The following RAPGEF2 variants were observed in gnomAD, a reference collection of about 807,000 sequenced individuals.
RAPGEF2 encodes PDZ domain containing guanine nucleotide exchange factor (GEF) 1.
Under a neutral mutation model 186.7 loss-of-function variants are expected in RAPGEF2, and 54 were observed. The ratio of observed to expected loss-of-function variants is 0.29; its 90% confidence interval spans 0.23 to 0.36. The LOEUF is 0.36. RAPGEF2 is among the 10% of genes least tolerant of loss of function. The pLI, the probability that RAPGEF2 is intolerant of heterozygous loss-of-function variation, is 1.00. For missense variants in RAPGEF2, 1,532 were observed against 2,045.0 expected (o/e 0.75, Z 4.84); for synonymous variants, 712 against 705.9 (o/e 1.01, Z -0.14).
At chr4:159,166,951 G>GACCAA (rs1488728822) in intron 1 of RAPGEF2, among the ~76,000 whole-genome samples, 6 of 152,134 alleles carry the variant, frequency 3.9e-5, no homozygotes, top group African/African-American at 1.2e-4. Context: ...GAAATTTGGT[G>GACCAA]ATCAAGGGAC....
At position 159,339,359 on chromosome 4, in the gene RAPGEF2, A is replaced by G. The variant is rs1003154635; in HGVS notation, c.2534+5A>G. The G allele has an allele frequency of 1.9e-6, 3 of 1,611,038 alleles. No individual in the cohort carries two copies. Among genetic ancestry groups the G allele is most frequent in the East Asian group, 2.2e-5 (1 of 44,776 alleles). The stretch of plus-strand genomic sequence containing the variant: ...CAGAATACAACTGAGTGGAAGGTAT[A>G]TATTATCTACCTTACTGGATTTCTT... On this transcript the variant is annotated splice_donor_5th_base_variant and intron_variant, in intron 19 of 29. Coordinates refer to ENST00000691494, the MANE Select transcript of RAPGEF2 (RefSeq NM_001394067.2).
At position 159,304,378 on chromosome 4, in the gene RAPGEF2, A is replaced by G. The variant is rs1198603978; in HGVS notation, c.580A>G (p.Ser194Gly). ...ADFTKLHLTD[S>G]LHPQVTHVSS... The stretch of plus-strand genomic sequence containing the variant: ...TTTCACAAAACTGCATCTTACTGAC[A>G]GTCTCCACCCACAGGTGACCCACGT... The change falls in exon 8 of 30, where the codon AGT becomes GGT. Residue 194 changes from serine to glycine, a missense_variant. Ser to Gly is a moderately conservative substitution (Grantham distance 56, BLOSUM62 0). Coordinates refer to ENST00000691494, the MANE Select transcript of RAPGEF2 (RefSeq NM_001394067.2). The G allele has an allele frequency of 1.2e-6, 2 of 1,605,086 alleles. No individual in the cohort carries two copies. The highest frequency in any genetic ancestry group is 1.3e-5 in the African/African-American group (1 of 74,788).
chr4:159,281,311 A>G (rs1579745412), intron 7 of RAPGEF2, among the ~76,000 whole-genome samples: 1 of 152,090 alleles, frequency 6.6e-6, no homozygotes, highest in Non-Finnish European at 1.5e-5. Flanking sequence ...TCTTAAAGTT[A>G]TTGATTTCTC....
chr4:159,330,380 T>C lies in RAPGEF2; in HGVS notation c.1349T>C (p.Val450Ala). The change falls in exon 13 of 30, where the codon GTA becomes GCA. Residue 450 changes from valine (V) to alanine (A), a missense_variant. Physicochemically the swap from Val to Ala is moderately conservative, Grantham distance 64 (BLOSUM62 0). This residue lies in a region of RAPGEF2 where 810 missense variants were observed against 1,210.5 expected (regional missense o/e 0.67). Coordinates refer to ENST00000691494, the MANE Select transcript of RAPGEF2 (RefSeq NM_001394067.2). ...ATGCATTTGGTGGAAGAGCATTCAG[T>C]AGTAGATCCAACATTCATAGAAGAC... Reference protein sequence around the residue: ...LTMHLVEEHSVVDPTFIEDFL... With the variant: ...LTMHLVEEHSAVDPTFIEDFL... 1 of 1,602,222 alleles carries C rather than the reference T, an allele frequency of 6.2e-7. No individual in the cohort carries two copies. The highest frequency in any genetic ancestry group is 8.5e-7 in the Non-Finnish European group (1 of 1,177,284).
chr4:159,247,755 C>CTTTTTTTTTTT (rs56053207), intron 7 of RAPGEF2, among the ~76,000 whole-genome samples: 1 of 83,474 alleles, frequency 1.2e-5, no homozygotes, highest in Non-Finnish European at 2.2e-5. Context: ...TAATTTGTTT[C>CTTTTTTTTTTT]TTTTTTTTTT....
At chr4:159,173,847 T>C (rs972981391) in intron 1 of RAPGEF2, among the ~76,000 whole-genome samples, 36 of 152,206 alleles carry the variant, frequency 2.4e-4, no homozygotes, top group South Asian at 6.2e-4. Flanking sequence ...ATATAGTATG[T>C]TAATCTACAC....
chr4:159,145,635 C>A (rs952531200), intron 1 of RAPGEF2, among the ~76,000 whole-genome samples: 2 of 152,192 alleles, frequency 1.3e-5, no homozygotes, highest in Admixed American at 1.3e-4. Context: ...TTCACCAGGA[C>A]CAGTGGCATG....
intron 7 of RAPGEF2, among the ~76,000 whole-genome samples, chr4:159,266,578 TA>T (rs530774146): frequency 8.0e-5 from 12 of 150,892 alleles, no homozygotes; most frequent in East Asian, 3.9e-4. Context: ...TTTGGTTTTT[TA>T]AAAAAAAAAC....
chr4:159,179,286 A>G (rs1746777517), intron 1 of RAPGEF2, among the ~76,000 whole-genome samples: 1 of 152,002 alleles, frequency 6.6e-6, no homozygotes, highest in African/African-American at 2.4e-5. Flanking sequence ...AAGGTTAGAA[A>G]TTTTTCAGTT....
intron 1 of RAPGEF2, among the ~76,000 whole-genome samples, chr4:159,152,410 T>TGCC (rs1743652559): frequency 6.6e-6 from 1 of 152,256 alleles, no homozygotes; most frequent in Non-Finnish European, 1.5e-5. Flanking sequence ...AGAGGCAGAA[T>TGCC]GCCCATTCCT....
At chr4:159,354,877 AC>A (rs1175882817) in intron 28 of RAPGEF2, among the ~76,000 whole-genome samples, 1 of 152,220 alleles carries the variant, frequency 6.6e-6, no homozygotes, top group Non-Finnish European at 1.5e-5. Flanking sequence ...GGCACAATTA[AC>A]ATCTATATAG....
intron 1 of RAPGEF2, among the ~76,000 whole-genome samples, chr4:159,148,678 A>G (rs891234729): frequency 2.6e-5 from 4 of 152,070 alleles, no homozygotes; most frequent in African/African-American, 9.7e-5. Flanking sequence ...GAGTGTACTT[A>G]AGCATTGAGT....
chr4:159,195,442 A>G (rs1748538496), intron 3 of RAPGEF2, among the ~76,000 whole-genome samples: 1 of 152,206 alleles, frequency 6.6e-6, no homozygotes, highest in Non-Finnish European at 1.5e-5. Flanking sequence ...GACATTTAAC[A>G]CGCACTTCCT....
intron 1 of RAPGEF2, among the ~76,000 whole-genome samples, chr4:159,112,074 G>A (rs887590030): frequency 2.6e-5 from 4 of 152,166 alleles, no homozygotes; most frequent in African/African-American, 4.8e-5. Context: ...GAATCGTACA[G>A]TATATGGCCT....
rs181362305 is a variant in RAPGEF2, at chr4:159,281,470, G to A, written c.544-22872G>A. Among the ~76,000 whole-genome samples, 637 of 149,352 alleles carry A rather than the reference G, an allele frequency of 4.3e-3. 5 individuals carry two copies. Among genetic ancestry groups the A allele is most frequent in the African/African-American group, 0.015 (611 of 40,950 alleles). Reference sequence around the variant, plus strand: ...GATCACCTGAAGATCAGGAGTTCAAGACCAGCCTGGCCAACATGGTGAAAC... The same window carrying A: ...GATCACCTGAAGATCAGGAGTTCAAAACCAGCCTGGCCAACATGGTGAAAC... On this transcript the variant is annotated intron_variant, in intron 7 of 29. Transcript: ENST00000691494.
At chr4:159,200,947 A>G (rs1749339368) in intron 3 of RAPGEF2, among the ~76,000 whole-genome samples, 1 of 152,204 alleles carries the variant, frequency 6.6e-6, no homozygotes, top group Non-Finnish European at 1.5e-5. Context: ...ATTTTATAAT[A>G]AAATATCAGT....
intron 7 of RAPGEF2, among the ~76,000 whole-genome samples, chr4:159,295,744 T>TGC (rs1268143258): frequency 8.3e-5 from 11 of 132,682 alleles, no homozygotes; most frequent in Non-Finnish European, 1.4e-4. Context: ...TGTGTGTGTG[T>TGC]GTGTGTGTGT....
At chr4:159,132,431 T>A (rs1032951697) in intron 1 of RAPGEF2, among the ~76,000 whole-genome samples, 1 of 152,186 alleles carries the variant, frequency 6.6e-6, no homozygotes, top group Admixed American at 6.5e-5. Context: ...GAGGACAGTG[T>A]CTCCTTGTGT....
intron 1 of RAPGEF2, 125 bp downstream of exon 1, chr4:159,104,356 C>T: frequency 4.3e-6 from 2 of 469,454 alleles, no homozygotes; most frequent in Middle Eastern, 6.1e-4. Flanking sequence ...CATCAGGACC[C>T]CCAACTTCCA....
Sources: allele counts gnomAD v4.1 joint callset (sites outside exome capture counted in the v4.1 genomes callset), GRCh38; gene constraint gnomAD v4.1.1; regional missense constraint gnomAD v4.1.1; transcripts MANE v1.5; gene names NCBI Gene and HGNC (gene_info 2026-07-23, HGNC 2026-07-21).